The following CST1 variants were observed in gnomAD, a reference collection of about 807,000 sequenced individuals.
The protein encoded by CST1 is cystatin SN.
A neutral mutation model predicts 10.7 loss-of-function variants in CST1; 19 were observed. That is an observed-to-expected ratio of 1.78 (90% CI 1.24 to 2.61). The LOEUF is 2.61. Ranked by LOEUF, CST1 falls within the 30% of genes most tolerant of loss-of-function variation. CST1 has a pLI of 0.00. For missense variants in CST1, 247 were observed against 178.1 expected (o/e 1.39, Z -2.20); for synonymous variants, 95 against 72.8 (o/e 1.31, Z -1.55).
Position 23,749,015 on chromosome 20 carries a change from C to T in CST1, c.342+1G>A, listed in dbSNP as rs772181608. On this transcript the variant is annotated splice_donor_variant, in intron 2 of 2. Coordinates refer to ENST00000304749, the MANE Select transcript of CST1 (RefSeq NM_001898.3). LOFTEE classifies it high-confidence loss of function. ...GCCCGGGACCTGCATCAGGAACGTA[C>T]CTTCTGCAGTTCTGGCTGTTCATGG... is the stretch of plus-strand genomic sequence containing the variant. The T allele has an allele frequency of 1.2e-6, 2 of 1,614,196 alleles. No homozygotes were observed. The highest frequency in any genetic ancestry group is 8.5e-7 in the Non-Finnish European group (1 of 1,180,036).
At chr20:23,748,297 C>T (rs189370960) in intron 2 of CST1, among the ~76,000 whole-genome samples, 4 of 152,182 alleles carry the variant, frequency 2.6e-5, no homozygotes, top group East Asian at 3.9e-4. Context: ...AGGGCAACTC[C>T]CCCTCAAAGA....
intron 1 of CST1, among the ~76,000 whole-genome samples, chr20:23,750,426 C>A (rs1982797485): frequency 1.3e-5 from 2 of 152,230 alleles, no homozygotes; most frequent in Admixed American, 6.5e-5. Context: ...GGTACAGACA[C>A]AGTGGCTGCT....
At chr20:23,749,276 A>G (rs940229740) in intron 1 of CST1, 147 bp from the exon 2 acceptor site, 120 of 795,542 alleles carry the variant, frequency 1.5e-4, no homozygotes, top group Admixed American at 2.6e-4. Flanking sequence ...CTTCCTGTCA[A>G]CTGGCAGGGT....
rs151291851 is a variant in CST1, at chr20:23,750,685, T to A, written c.182A>T (p.Asp61Val). ...AISEYNKATKDDYYRRPLRVL... is the reference protein window; with the variant it reads ...AISEYNKATKVDYYRRPLRVL... ...CCGCAGCGGACGTCTGTAGTAGTCA[T>A]CTTTGGTGGCCTTGTTATACTCGCT... is the stretch of plus-strand genomic sequence containing the variant. Residue 61 changes from aspartate to valine, a missense_variant, in exon 1 of 3, where the codon GAT becomes GTT. Asp to Val is a radical substitution (Grantham distance 152, BLOSUM62 -3). Coordinates refer to ENST00000304749, the MANE Select transcript of CST1 (RefSeq NM_001898.3). 28 of 1,613,962 alleles carry A rather than the reference T, an allele frequency of 1.7e-5. No homozygotes were observed. Among genetic ancestry groups the A allele is most frequent in the Non-Finnish European group, 1.7e-6 (2 of 1,180,022 alleles).
At chr20:23,750,157 C>T (rs546054650) in intron 1 of CST1, among the ~76,000 whole-genome samples, 10 of 152,190 alleles carry the variant, frequency 6.6e-5, no homozygotes, top group African/African-American at 2.4e-4. Flanking sequence ...AGGGACTCAG[C>T]GCCCTGGGCT....
Position 23,749,282 on chromosome 20 carries a change from AG to A in CST1, c.229-154del, listed in dbSNP as rs1464512717. Among the ~76,000 whole-genome samples, 14 of 152,284 alleles carry A rather than the reference AG, an allele frequency of 9.2e-5. No individual in the cohort carries two copies. The East Asian group carries it at 2.7e-3, about 29-fold the overall frequency. ...AAGCCCCCTCTTCCTGTCAACTGGC[AG>A]GGTGCTGAGCCTCATACCCGCTCTT... On this transcript the variant is annotated intron_variant, in intron 1 of 2. Transcript: ENST00000304749.
In CST1 at chr20:23,750,702, A is replaced by T; in HGVS notation, c.165T>A (p.Tyr55Ter). ...AGTAGTCATCTTTGGTGGCCTTGTT[A>T]TACTCGCTGATGGCGAAGTGAAGGG... The part of the protein sequence containing the change: ...QRALHFAISE[Y>*]NKATKDDYYR... The change falls in exon 1 of 3, where the codon TAT (tyrosine) becomes TAA (stop). Residue 55 changes from tyrosine (Y) to a stop codon, truncating the protein, a stop_gained. Coordinates refer to ENST00000304749, the MANE Select transcript of CST1 (RefSeq NM_001898.3). LOFTEE classifies it high-confidence loss of function. The T allele has an allele frequency of 6.2e-7, 1 of 1,614,126 alleles. No homozygotes were observed. Among genetic ancestry groups the T allele is most frequent in the Non-Finnish European group, 8.5e-7 (1 of 1,180,010 alleles).
rs773666920 is a variant in CST1 at position 23,750,690 on chromosome 20, G to A, written c.177C>T (p.Thr59=). The A allele has an allele frequency of 4.3e-6, 7 of 1,614,006 alleles. No homozygotes were observed. The highest frequency in any genetic ancestry group is 1.7e-4 in the Middle Eastern group (1 of 6,038). The stretch of plus-strand genomic sequence containing the variant: ...GCGGACGTCTGTAGTAGTCATCTTT[G>A]GTGGCCTTGTTATACTCGCTGATGG... ...HFAISEYNKA[T]KDDYYRRPLR... The change falls in exon 1 of 3, where the codon ACC becomes ACT. Residue 59 remains threonine, a synonymous_variant. Coordinates refer to ENST00000304749, the MANE Select transcript of CST1 (RefSeq NM_001898.3).
chr20:23,750,811 A>T lies in CST1; in HGVS notation c.56T>A (p.Leu19Gln). Residue 19 changes from leucine to glutamine, a missense_variant, in exon 1 of 3, where the codon CTG becomes CAG. Transcript: ENST00000304749. ...LLLLATLAVA[L>Q]AWSPKEEDRI... ...ATCCTCCTCCTTGGGGCTCCAGGCCAGGGCCACAGCTAGGGTGGCCAGCAG... is the reference window on the plus strand; with the variant it reads ...ATCCTCCTCCTTGGGGCTCCAGGCCTGGGCCACAGCTAGGGTGGCCAGCAG... 6.2e-7 allele frequency: 1 copy of T among 1,614,110 alleles called. No homozygotes were observed. The highest frequency in any genetic ancestry group is 1.1e-5 in the South Asian group (1 of 91,074).
In CST1 at chr20:23,747,821, A is replaced by C. The variant is rs150764093; in HGVS notation, c.421T>G (p.Ser141Ala). ...GAATGGCCTGGCACAGATCCCTAGGATTCTTGACACCTGGATTTCACCAGG... is the reference window on the plus strand; with the variant it reads ...GAATGGCCTGGCACAGATCCCTAGGCTTCTTGACACCTGGATTTCACCAGG... ...RSLVKSRCQE[S>A] Residue 141 changes from serine (S) to alanine (A), a missense_variant, in exon 3 of 3, where the codon TCC (serine) becomes GCC (alanine). Transcript: ENST00000304749. 2.7e-5 allele frequency: 44 copies of C among 1,613,692 alleles called. No individual in the cohort carries two copies. The highest frequency in any genetic ancestry group is 1.2e-4 in the African/African-American group (9 of 74,910).
chr20:23,749,067 G>A lies in CST1; in HGVS notation c.291C>T (p.Ser97=), dbSNP rs1276245061. Residue 97 remains serine (S), a synonymous_variant, in exon 2 of 3, where the codon TCC becomes TCT. Coordinates refer to ENST00000304749, the MANE Select transcript of CST1 (RefSeq NM_001898.3). ...VEVGRTICTK[S]QPNLDTCAFH... ...AGGCACAGGTGTCCAAGTTGGGCTG[G>A]GACTTGGTACATATGGTGCGGCCCA... The A allele has an allele frequency of 2.5e-6, 4 of 1,614,128 alleles. No individual in the cohort carries two copies. Among genetic ancestry groups the A allele is most frequent in the Admixed American group, 3.3e-5 (2 of 60,014 alleles).
At chr20:23,749,503 A>T (rs1982771242) in intron 1 of CST1, among the ~76,000 whole-genome samples, 1 of 152,200 alleles carries the variant, frequency 6.6e-6, no homozygotes, top group Non-Finnish European at 1.5e-5. Context: ...GATGCTTCAC[A>T]CACACAGATA....
At chr20:23,748,963 T>C in intron 2 of CST1, 53 bp downstream of exon 2, 1 of 1,602,556 alleles carries the variant, frequency 6.2e-7, no homozygotes, top group Non-Finnish European at 8.5e-7. Context: ...GGCTGACACA[T>C]ACGCACCCCT....
intron 1 of CST1, among the ~76,000 whole-genome samples, chr20:23,749,917 C>T (rs1020442943): frequency 2.0e-5 from 3 of 150,212 alleles, no homozygotes; most frequent in Admixed American, 6.7e-5. Context: ...AGAAACGGGG[C>T]TGGTGGGGAT....
At chr20:23,749,510 G>A (rs1982771383) in intron 1 of CST1, among the ~76,000 whole-genome samples, 1 of 152,162 alleles carries the variant, frequency 6.6e-6, no homozygotes, top group Admixed American at 6.5e-5. Context: ...CACACACACA[G>A]ATATTTTGGA....
Position 23,749,012 on chromosome 20 carries a change from G to A in CST1, c.342+4C>T, listed in dbSNP as rs755348321. Reference sequence around the variant, plus strand: ...CTGGCCCGGGACCTGCATCAGGAACGTACCTTCTGCAGTTCTGGCTGTTCA... The same window carrying A: ...CTGGCCCGGGACCTGCATCAGGAACATACCTTCTGCAGTTCTGGCTGTTCA... On this transcript the variant is annotated splice_donor_region_variant and intron_variant, in intron 2 of 2. Transcript: ENST00000304749. 25 of 1,614,126 alleles carry A rather than the reference G, an allele frequency of 1.5e-5. No homozygotes were observed. Among genetic ancestry groups the A allele is most frequent in the African/African-American group, 6.7e-5 (5 of 75,016 alleles).
chr20:23,750,587 G>T, intron 1 of CST1, 52 bp downstream of exon 1: 1 of 1,532,144 alleles, frequency 6.5e-7, no homozygotes, highest in Non-Finnish European at 9.0e-7. Flanking sequence ...TTGGGGGTTG[G>T]GGAACAAACC....
Position 23,750,850 on chromosome 20 carries a change from C to G in CST1, c.17G>C (p.Ser6Thr). The change falls in exon 1 of 3, where the codon AGT (serine) becomes ACT (threonine). Residue 6 changes from serine to threonine, a missense_variant. Ser to Thr is a moderately conservative substitution (Grantham distance 58). Transcript: ENST00000304749. ...GGTGGCCAGCAGGAGCAGCAGGGTA[C>G]TCAGATACTGGGCCATGGTCTCCTC... The part of the protein sequence containing the change: MAQYL[S>T]TLLLLLATLA... The G allele has an allele frequency of 6.2e-7, 1 of 1,612,284 alleles. No homozygotes were observed. Among genetic ancestry groups the G allele is most frequent in the Admixed American group, 1.7e-5 (1 of 59,732 alleles).
At chr20:23,748,973 T>A (rs773480726) in intron 2 of CST1, 43 bp downstream of exon 2, 1 of 1,609,594 alleles carries the variant, frequency 6.2e-7, no homozygotes, top group Non-Finnish European at 8.5e-7. Flanking sequence ...TACGCACCCC[T>A]CTGCAGTGCA....
Sources: allele counts gnomAD v4.1 joint callset (sites outside exome capture counted in the v4.1 genomes callset), GRCh38; gene constraint gnomAD v4.1.1; transcripts MANE v1.5; gene names NCBI Gene and HGNC (gene_info 2026-07-23, HGNC 2026-07-21).